PPARGC1B: variants seen among roughly 807,000 people sequenced by gnomAD.
PPARGC1B encodes peroxisome proliferator-activated receptor gamma coactivator 1-beta.
In PPARGC1B, 34 loss-of-function variants were observed where a neutral mutation model predicts 101.6. That is an observed-to-expected ratio of 0.33 (90% CI 0.25 to 0.45). The LOEUF (loss-of-function observed/expected upper bound fraction) is 0.45, where lower values mean the gene tolerates loss of function less well. PPARGC1B is among the 20% of genes least tolerant of loss of function. PPARGC1B has a pLI of 1.00. For missense variants in PPARGC1B, 1,234 were observed against 1,317.6 expected (o/e 0.94, Z 0.98); for synonymous variants, 548 against 539.3 (o/e 1.02, Z -0.22).
chr5:149,805,499 G>A (rs1012276250), intron 1 of PPARGC1B, among the ~76,000 whole-genome samples: 2 of 152,094 alleles, frequency 1.3e-5, no homozygotes, highest in African/African-American at 4.8e-5. Flanking sequence ...GAGTGCAGTG[G>A]CATGATCTCG....
intron 1 of PPARGC1B, among the ~76,000 whole-genome samples, chr5:149,764,931 A>C (rs563664346): frequency 2.0e-5 from 3 of 152,268 alleles, no homozygotes; most frequent in Non-Finnish European, 4.4e-5. Context: ...CTTAGGAGAG[A>C]GTAGTACCCA....
chr5:149,836,460 C>T lies in PPARGC1B; in HGVS notation c.2005C>T (p.Arg669Ter). The T allele has an allele frequency of 1.9e-6, 3 of 1,614,040 alleles. No homozygotes were observed. The highest frequency in any genetic ancestry group is 2.5e-6 in the Non-Finnish European group (3 of 1,180,024). Residue 669 changes from arginine to a stop codon, truncating the protein, a stop_gained, in exon 8 of 12, where the codon CGA becomes TGA. Transcript: ENST00000309241. LOFTEE classifies it high-confidence loss of function. ...PERSELLSHL[R>*]HATAQPASQA... Reference sequence around the variant, plus strand: ...GCGAAGTGAGCTCCTGTCCCACCTGCGACATGCCACAGCCCAGCCAGCCTC... The same window carrying T: ...GCGAAGTGAGCTCCTGTCCCACCTGTGACATGCCACAGCCCAGCCAGCCTC...
chr5:149,809,317 GATAGATAGATAGA>G, intron 1 of PPARGC1B, among the ~76,000 whole-genome samples: 1 of 107,462 alleles, frequency 9.3e-6, no homozygotes, highest in African/African-American at 3.8e-5. Flanking sequence ...TAGATAGATA[GATAGATAGATAGA>G]TAGATAGATC....
At chr5:149,842,614 C>G (rs756980422) in intron 10 of PPARGC1B, among the ~76,000 whole-genome samples, 1 of 152,236 alleles carries the variant, frequency 6.6e-6, no homozygotes, top group Non-Finnish European at 1.5e-5. Flanking sequence ...ATTCTTTTAT[C>G]TAAACTTCCC....
chr5:149,824,263 T>G (rs921145190), intron 2 of PPARGC1B, among the ~76,000 whole-genome samples: 5 of 152,008 alleles, frequency 3.3e-5, no homozygotes, highest in Admixed American at 2.0e-4. Flanking sequence ...GAGTGAGAAT[T>G]CTCAGTTCGT....
chr5:149,780,629 C>A (rs1756564023), intron 1 of PPARGC1B, among the ~76,000 whole-genome samples: 1 of 152,146 alleles, frequency 6.6e-6, no homozygotes, highest in Non-Finnish European at 1.5e-5. Flanking sequence ...TAGTTAATCT[C>A]AAAAAGTTAT....
chr5:149,798,188 G>A (rs1055099225), intron 1 of PPARGC1B, among the ~76,000 whole-genome samples: 9 of 152,154 alleles, frequency 5.9e-5, no homozygotes, highest in Non-Finnish European at 8.8e-5. Flanking sequence ...CAAAGTCAGC[G>A]TTCAGAACAG....
intron 7 of PPARGC1B, 60 bp downstream of exon 7, chr5:149,835,425 T>G: frequency 1.4e-6 from 2 of 1,463,738 alleles, no homozygotes; most frequent in Non-Finnish European, 9.6e-7. Flanking sequence ...CATCTCTGAG[T>G]TTTTCATCAT....
intron 1 of PPARGC1B, among the ~76,000 whole-genome samples, chr5:149,784,556 GTTTCTTTT>G (rs1561535301): frequency 9.0e-6 from 1 of 111,630 alleles, no homozygotes; most frequent in African/African-American, 3.2e-5. Context: ...AGCCAACTGA[GTTTCTTTT>G]TTTTTTTTTT....
At chr5:149,790,554 ATAT>A (rs1211861966) in intron 1 of PPARGC1B, among the ~76,000 whole-genome samples, 1 of 152,180 alleles carries the variant, frequency 6.6e-6, no homozygotes, top group African/African-American at 2.4e-5. Flanking sequence ...GAGGCTTAAA[ATAT>A]TATAATACTA....
downstream of PPARGC1B, among the ~76,000 whole-genome samples, chr5:149,855,853 G>A (rs566564533): frequency 2.0e-5 from 3 of 152,188 alleles, no homozygotes; most frequent in East Asian, 1.9e-4. Flanking sequence ...GCGGTGGCTC[G>A]CATCTGTAAT....
At chr5:149,856,821 A>C (rs1581138185), downstream of PPARGC1B, among the ~76,000 whole-genome samples, 1 of 131,496 alleles carries the variant, frequency 7.6e-6, no homozygotes. Flanking sequence ...GCCCAGCTGG[A>C]GTGCAATGGT....
intron 1 of PPARGC1B, among the ~76,000 whole-genome samples, chr5:149,768,667 C>T (rs1756010328): frequency 8.0e-6 from 1 of 125,400 alleles, no homozygotes; most frequent in East Asian, 2.3e-4. Context: ...AGGCGCCCAC[C>T]ACCATGCCTG....
intron 1 of PPARGC1B, among the ~76,000 whole-genome samples, chr5:149,755,072 T>TATATATATATATATATAA (rs1183883268): frequency 6.8e-6 from 1 of 146,100 alleles, no homozygotes; most frequent in African/African-American, 2.6e-5. Flanking sequence ...TATATATATA[T>TATATATATATATATATAA]AATTTTTTTT....
chr5:149,738,512 T>C (rs1279683295), intron 1 of PPARGC1B, among the ~76,000 whole-genome samples: 6 of 152,192 alleles, frequency 3.9e-5, no homozygotes, highest in Non-Finnish European at 7.4e-5. Context: ...TGAACTGGAA[T>C]GTCCTCTCCC....
At chr5:149,820,727 C>A in intron 2 of PPARGC1B, 121 bp downstream of exon 2, 1 of 1,037,018 alleles carries the variant, frequency 9.6e-7, no homozygotes, top group Non-Finnish European at 1.4e-6. Flanking sequence ...CCCTCACCCA[C>A]CAAAGCTGTT....
At chr5:149,784,534 G>A (rs1581049791) in intron 1 of PPARGC1B, among the ~76,000 whole-genome samples, 1 of 145,610 alleles carries the variant, frequency 6.9e-6, no homozygotes, top group East Asian at 2.0e-4. Context: ...CAGGTGTCCT[G>A]AGCCTCACTC....
At chr5:149,823,039 C>T (rs1001586726) in intron 2 of PPARGC1B, among the ~76,000 whole-genome samples, 1 of 152,244 alleles carries the variant, frequency 6.6e-6, no homozygotes, top group Non-Finnish European at 1.5e-5. Flanking sequence ...GTTGACACTT[C>T]CTCAGGGACA....
At chr5:149,752,665 C>T (rs1331980042) in intron 1 of PPARGC1B, among the ~76,000 whole-genome samples, 1 of 152,000 alleles carries the variant, frequency 6.6e-6, no homozygotes, top group Non-Finnish European at 1.5e-5. Context: ...CCTGTCTCCA[C>T]TAAAAATACA....
Sources: gnomAD v4.1 joint callset for allele counts (sites outside exome capture counted in the v4.1 genomes callset) on GRCh38, gnomAD v4.1.1 for gene constraint, MANE v1.5 for transcripts, NCBI Gene and HGNC (gene_info 2026-07-23, HGNC 2026-07-21) for gene names.